Variants in TMEM132D observed in about 807,000 individuals in gnomAD.
TMEM132D encodes the protein mature OL transmembrane protein.
In TMEM132D, 21 loss-of-function variants were observed where a neutral mutation model predicts 62.3. The observed-to-expected ratio is 0.34, with a 90% confidence interval of 0.24 to 0.49. The LOEUF is 0.49. Among genes scored for constraint, TMEM132D ranks in the 20% least tolerant of loss-of-function variants. The pLI is 0.99. For synonymous variants in TMEM132D, 621 were observed against 575.6 expected (o/e 1.08, Z -1.13); for missense variants, 1,346 against 1,402.8 (o/e 0.96, Z 0.65).
chr12:129,241,595 C>T (rs1879938812), intron 4 of TMEM132D, among the ~76,000 whole-genome samples: 3 of 152,202 alleles, frequency 2.0e-5, no homozygotes, highest in Admixed American at 2.0e-4. Context: ...GCACCACTTC[C>T]TTGGAGAAGT....
At chr12:129,129,403 G>A (rs974355246) in intron 5 of TMEM132D, among the ~76,000 whole-genome samples, 26 of 152,254 alleles carry the variant, frequency 1.7e-4, no homozygotes, top group Admixed American at 4.6e-4. Context: ...TGATGGGCAC[G>A]TTGGTTGATC....
chr12:129,383,804 G>A (rs566985762), intron 3 of TMEM132D, among the ~76,000 whole-genome samples: 3 of 152,260 alleles, frequency 2.0e-5, no homozygotes, highest in African/African-American at 7.2e-5. Context: ...TGCCCTCACT[G>A]GGCGTCAGAT....
intron 2 of TMEM132D, among the ~76,000 whole-genome samples, chr12:129,691,990 C>G (rs1881074425): frequency 6.6e-6 from 1 of 151,896 alleles, no homozygotes; most frequent in Non-Finnish European, 1.5e-5. Context: ...AATCACCAGG[C>G]TCGGATGGAT....
intron 5 of TMEM132D, among the ~76,000 whole-genome samples, chr12:129,104,887 G>A (rs1227811685): frequency 6.9e-6 from 1 of 145,240 alleles, no homozygotes. Flanking sequence ...AAAAAGTCAG[G>A]AAACAACAGG....
chr12:129,080,795 C>A (rs934065505), intron 7 of TMEM132D, among the ~76,000 whole-genome samples: 8 of 152,198 alleles, frequency 5.3e-5, no homozygotes, highest in Non-Finnish European at 7.3e-5. Flanking sequence ...AGAAAACAAT[C>A]TCTTGCTTTG....
intron 2 of TMEM132D, among the ~76,000 whole-genome samples, chr12:129,650,728 G>T (rs1314656997): frequency 6.6e-6 from 1 of 152,108 alleles, no homozygotes; most frequent in African/African-American, 2.4e-5. Flanking sequence ...TTGTTAAACT[G>T]ATCATCTCTT....
At chr12:129,189,567 C>T (rs922847576) in intron 5 of TMEM132D, among the ~76,000 whole-genome samples, 2 of 152,090 alleles carry the variant, frequency 1.3e-5, no homozygotes, top group Non-Finnish European at 2.9e-5. Context: ...GTGCATCTGA[C>T]CCAGGGTGCG....
chr12:129,111,350 G>A (rs1875694867), intron 5 of TMEM132D: 1 of 152,148 alleles, frequency 6.6e-6, no homozygotes, highest in Non-Finnish European at 1.5e-5. Context: ...TGGATTTCTG[G>A]CCTCTGAAAC....
At chr12:129,807,604 T>C (rs1303569481) in intron 1 of TMEM132D, among the ~76,000 whole-genome samples, 6 of 152,218 alleles carry the variant, frequency 3.9e-5, no homozygotes, top group Non-Finnish European at 7.3e-5. Flanking sequence ...TTAATATGTG[T>C]ATTTTTGCAA....
intron 5 of TMEM132D, among the ~76,000 whole-genome samples, chr12:129,163,227 A>T (rs1877449309): frequency 6.6e-6 from 1 of 152,236 alleles, no homozygotes; most frequent in African/African-American, 2.4e-5. Flanking sequence ...CTCAAAATTG[A>T]TGAAGCGTTT....
chr12:129,700,157 C>T lies in TMEM132D; in HGVS notation c.621G>A (p.Thr207=), dbSNP rs768123163. The T allele has an allele frequency of 2.5e-6, 4 of 1,613,098 alleles. No individual in the cohort carries two copies. In the African/African-American group the frequency reaches 4.0e-5, roughly 16 times the overall value. ...ELLSSWFSPP[T]VVAGRRKSVD... is the part of the protein sequence containing the mutation. ...CGGACTTCCTCCTCCCGGCAACCAC[C>T]GTGGGGGGGCTGAACCAGCTGGACA... Residue 207 remains threonine, a synonymous_variant, in exon 2 of 9, where the codon ACG becomes ACA. Coordinates refer to ENST00000422113, the MANE Select transcript of TMEM132D (RefSeq NM_133448.3).
rs184138573 is a variant in TMEM132D at position 129,578,740 on chromosome 12, G to A, written c.969-47535C>T. ...CTGGGTCTGAAGGTCTGAGAACCAA[G>A]AGTGATGAGGGCAGGAGACGACTGA... is the stretch of plus-strand genomic sequence containing the variant. On this transcript the variant is annotated intron_variant, in intron 2 of 8. Transcript: ENST00000422113. Among the ~76,000 whole-genome samples the A allele has an allele frequency of 3.3e-5, 5 of 152,214 alleles. No individual in the cohort carries two copies. The East Asian group carries it at 9.7e-4, about 30-fold the overall frequency.
At chr12:129,239,620 T>A (rs1356790778) in intron 4 of TMEM132D, among the ~76,000 whole-genome samples, 2 of 152,112 alleles carry the variant, frequency 1.3e-5, no homozygotes, top group Non-Finnish European at 2.9e-5. Context: ...GATTTGGGAA[T>A]AGACACGGAA....
At chr12:129,194,262 A>G (rs1465909242) in intron 5 of TMEM132D, among the ~76,000 whole-genome samples, 1 of 152,234 alleles carries the variant, frequency 6.6e-6, no homozygotes, top group South Asian at 2.1e-4. Flanking sequence ...TTACATCCAG[A>G]ACACTAACCC....
intron 1 of TMEM132D, among the ~76,000 whole-genome samples, chr12:129,882,747 A>G (rs1874635957): frequency 6.6e-6 from 1 of 152,298 alleles, no homozygotes; most frequent in Non-Finnish European, 1.5e-5. Flanking sequence ...GAAAACACAC[A>G]TAACATTGTT....
chr12:129,182,837 C>G (rs536196863), intron 5 of TMEM132D, among the ~76,000 whole-genome samples: 1 of 152,146 alleles, frequency 6.6e-6, no homozygotes, highest in Non-Finnish European at 1.5e-5. Context: ...TAAAGCTTAG[C>G]GGCTAAAACA....
chr12:129,342,630 G>A (rs1348225558), intron 3 of TMEM132D, among the ~76,000 whole-genome samples: 1 of 152,106 alleles, frequency 6.6e-6, no homozygotes, highest in African/African-American at 2.4e-5. Flanking sequence ...CCATCAGAGT[G>A]AACAGGCAAC....
intron 1 of TMEM132D, 125 bp from the exon 2 acceptor site, chr12:129,700,823 A>T (rs1881369894): frequency 9.1e-7 from 1 of 1,097,512 alleles, no homozygotes; most frequent in African/African-American, 1.6e-5. Flanking sequence ...GCAATTCCTT[A>T]TCCAAACCTC....
intron 5 of TMEM132D, among the ~76,000 whole-genome samples, chr12:129,162,520 C>G (rs1403622857): frequency 6.6e-6 from 1 of 152,172 alleles, no homozygotes; most frequent in African/African-American, 2.4e-5. Context: ...ATGTCCCCTC[C>G]AATTCTCATG....
Sources: allele counts gnomAD v4.1 joint callset (sites outside exome capture counted in the v4.1 genomes callset), GRCh38; gene constraint gnomAD v4.1.1; transcripts MANE v1.5; gene names NCBI Gene and HGNC (gene_info 2026-07-23, HGNC 2026-07-21).